Variants in GNA12 observed in about 807,000 individuals in gnomAD.
GNA12 encodes the protein guanine nucleotide-binding protein subunit alpha-12.
Under a neutral mutation model 26.0 loss-of-function variants are expected in GNA12, and 9 were observed. The observed-to-expected ratio is 0.35, with a 90% CI of 0.21 to 0.60. The LOEUF is 0.60. Ranked by LOEUF, GNA12 falls within the 20% of genes least tolerant of loss-of-function variation. The probability of loss-of-function intolerance (pLI) is 0.78; values close to 1 mark genes in which losing one functional copy is unlikely to be tolerated. For synonymous variants in GNA12, 264 were observed against 219.6 expected, an observed-to-expected ratio of 1.20 and a Z score of -1.79; for missense variants, 405 against 525.8, an observed-to-expected ratio of 0.77 and a Z score of 2.25.
intron 2 of GNA12, among the ~76,000 whole-genome samples, chr7:2,735,431 T>C (rs1225911136): frequency 6.6e-6 from 1 of 151,112 alleles, no homozygotes; most frequent in African/African-American, 2.5e-5. Flanking sequence ...AGTGCTCTTA[T>C]CACCACAGGA....
chr7:2,748,880 C>T (rs1434359634), intron 2 of GNA12, among the ~76,000 whole-genome samples: 3 of 152,226 alleles, frequency 2.0e-5, no homozygotes, highest in African/African-American at 7.2e-5. Context: ...CAAAAAAAGA[C>T]ATTTATGCAG....
At position 2,788,928 on chromosome 7, in the gene GNA12, T is replaced by G. The variant is rs564672030; in HGVS notation, c.525+6000A>C. Among the ~76,000 whole-genome samples the G allele has an allele frequency of 2.0e-5, 3 of 151,916 alleles. No homozygotes were observed. In the South Asian group the frequency reaches 6.2e-4, roughly 32 times the overall value. ...CTCCATCCCTGGGCTCAAGCGATTC[T>G]CCTGCCTCAGCCTCCAGAGTAGCTG... On this transcript the variant is annotated intron_variant, in intron 2 of 3. Transcript: ENST00000275364.
Position 2,826,013 on chromosome 7 carries a change from G to A in GNA12, c.309+17840C>T, listed in dbSNP as rs550084396. Among the ~76,000 whole-genome samples the A allele has an allele frequency of 6.6e-5, 10 of 152,242 alleles. No homozygotes were observed. In the South Asian group the frequency reaches 8.3e-4, roughly 13 times the overall value. ...TGCCACATGGTAGCCAGGAAGTGGA[G>A]CAACAGGAACTCTCATTCCCTGCTC... On this transcript the variant is annotated intron_variant, in intron 1 of 3. Coordinates refer to ENST00000275364, the MANE Select transcript of GNA12 (RefSeq NM_007353.3).
At chr7:2,787,200 C>T (rs558875245) in intron 2 of GNA12, among the ~76,000 whole-genome samples, 5 of 152,292 alleles carry the variant, frequency 3.3e-5, no homozygotes, top group South Asian at 2.1e-4. Context: ...GAATCCCTCC[C>T]GGTTCTAGGG....
intron 1 of GNA12, among the ~76,000 whole-genome samples, 160 bp from the exon 2 acceptor site, chr7:2,795,303 G>C (rs1405902089): frequency 1.3e-5 from 2 of 152,170 alleles, no homozygotes; most frequent in Admixed American, 6.5e-5. Context: ...TTGTGATGTG[G>C]AAAGTCTTAA....
intron 1 of GNA12, among the ~76,000 whole-genome samples, chr7:2,820,999 C>CA (rs1346844317): frequency 2.0e-5 from 3 of 152,236 alleles, no homozygotes; most frequent in African/African-American, 7.2e-5. Flanking sequence ...CTTGGACTCC[C>CA]AAAGTGCCAG....
At chr7:2,764,774 C>T (rs1230341425) in intron 2 of GNA12, 2 of 152,210 alleles carry the variant, frequency 1.3e-5, no homozygotes, top group Non-Finnish European at 2.9e-5. Flanking sequence ...TCTGAAGTCC[C>T]TCTCATTCTC....
chr7:2,827,717 A>C (rs1008747044), intron 1 of GNA12, among the ~76,000 whole-genome samples: 1 of 152,232 alleles, frequency 6.6e-6, no homozygotes, highest in Non-Finnish European at 1.5e-5. Context: ...CAGAGAAAGG[A>C]GTTATAATGA....
rs137943911 is a variant in GNA12, at chr7:2,782,967, T to C, written c.525+11961A>G. On this transcript the variant is annotated intron_variant, in intron 2 of 3. Transcript: ENST00000275364. ...GTTCAATTCTAGAATTTCTAGTTTGTTCTTTTAAACATATGCCATGTCACT... is the reference window on the plus strand; with the variant it reads ...GTTCAATTCTAGAATTTCTAGTTTGCTCTTTTAAACATATGCCATGTCACT... 1.0e-4 allele frequency among the ~76,000 whole-genome samples: 16 copies of C among 152,384 alleles called. No homozygotes were observed. In the East Asian group the frequency reaches 3.1e-3, roughly 29 times the overall value.
chr7:2,737,300 T>C (rs1790255495), intron 2 of GNA12, among the ~76,000 whole-genome samples: 1 of 124,852 alleles, frequency 8.0e-6, no homozygotes. Context: ...TTTTTTTTTT[T>C]TTTTTTGAGA....
intron 2 of GNA12, 74 bp downstream of exon 2, chr7:2,794,854 T>C: frequency 9.1e-7 from 1 of 1,093,344 alleles, no homozygotes; most frequent in Non-Finnish European, 1.4e-6. Flanking sequence ...TTTAAGGAAA[T>C]TCAACTAACG....
chr7:2,740,802 T>C (rs1371667627), intron 2 of GNA12, among the ~76,000 whole-genome samples: 1 of 152,184 alleles, frequency 6.6e-6, no homozygotes, highest in Non-Finnish European at 1.5e-5. Flanking sequence ...CCCAGCACTT[T>C]GGGAGGCCGA....
intron 1 of GNA12, among the ~76,000 whole-genome samples, chr7:2,834,124 C>A (rs1205658740): frequency 2.0e-5 from 3 of 152,356 alleles, no homozygotes; most frequent in Middle Eastern, 3.4e-3. Context: ...AGTGCTGCGA[C>A]TGCAGTCCAA....
rs561274939 is a variant in GNA12 at position 2,807,428 on chromosome 7, T to A, written c.310-12285A>T. Reference sequence around the variant, plus strand: ...TCAACACTTCCAATAAAACGTTTCATGAAGGTATAAAGAACAATTTAAAAC... The same window carrying A: ...TCAACACTTCCAATAAAACGTTTCAAGAAGGTATAAAGAACAATTTAAAAC... On this transcript the variant is annotated intron_variant, in intron 1 of 3. Transcript: ENST00000275364. 5.9e-5 allele frequency among the ~76,000 whole-genome samples: 9 copies of A among 152,268 alleles called. No homozygotes were observed. In the South Asian group the frequency reaches 1.7e-3, roughly 28 times the overall value.
intron 2 of GNA12, among the ~76,000 whole-genome samples, chr7:2,737,269 G>GTTTTTTTTTTTTTTT (rs1317020597): frequency 1.0e-4 from 4 of 38,128 alleles, no homozygotes; most frequent in South Asian, 1.6e-3. Context: ...TCACAGTTTT[G>GTTTTTTTTTTTTTTT]TTTTGTTTTT....
intron 2 of GNA12, among the ~76,000 whole-genome samples, chr7:2,791,423 C>G (rs958100728): frequency 6.6e-6 from 1 of 152,216 alleles, no homozygotes; most frequent in African/African-American, 2.4e-5. Context: ...CCCCGGCCCA[C>G]CCTGCTCCTC....
In GNA12 at chr7:2,731,791, G is replaced by A. The variant is rs748851227; in HGVS notation, c.577-41C>T. Reference sequence around the variant, plus strand: ...TGAGGCAGAAATTTAGGGGGAGGAAGAAAGAACAGAGAAAATAGAAACAAA... The same window carrying A: ...TGAGGCAGAAATTTAGGGGGAGGAAAAAAGAACAGAGAAAATAGAAACAAA... On this transcript the variant is annotated intron_variant, in intron 3 of 3. Coordinates refer to ENST00000275364, the MANE Select transcript of GNA12 (RefSeq NM_007353.3). This position sits in a 1 kb window ranked among gnomAD's most constrained non-coding sequence, Gnocchi z 6.0. 9.7e-7 allele frequency: 1 copy of A among 1,029,362 alleles called. No individual in the cohort carries two copies. Among genetic ancestry groups the A allele is most frequent in the African/African-American group, 1.6e-5 (1 of 63,234 alleles). 63.8% of individuals were successfully genotyped at this position (1,029,362 alleles called of 1,614,324 possible).
chr7:2,736,518 G>C (rs1790184990), intron 2 of GNA12, among the ~76,000 whole-genome samples: 3 of 152,314 alleles, frequency 2.0e-5, no homozygotes, highest in African/African-American at 4.8e-5. Flanking sequence ...GCAGGGGCTG[G>C]TGGCAGTGAA....
At chr7:2,733,644 G>C in intron 2 of GNA12, 143 bp from the exon 3 acceptor site, 1 of 657,060 alleles carries the variant, frequency 1.5e-6, no homozygotes, top group East Asian at 2.8e-5. Context: ...GAGAGTGTCC[G>C]TGTGTTTTCT....
Sources: allele counts gnomAD v4.1 joint callset (sites outside exome capture counted in the v4.1 genomes callset), GRCh38; gene constraint gnomAD v4.1.1; non-coding constraint Gnocchi (gnomAD v3.1); transcripts MANE v1.5; gene names NCBI Gene and HGNC (gene_info 2026-07-23, HGNC 2026-07-21).